NDC1: variants seen among roughly 807,000 people sequenced by gnomAD.
NDC1 encodes NDC1 transmembrane nucleoporin, also known as nucleoporin NDC1.
A neutral mutation model predicts 89.8 loss-of-function variants in NDC1; 24 were observed. The ratio of observed to expected loss-of-function variants is 0.27; its 90% CI spans 0.19 to 0.38. The LOEUF is 0.38. Among genes scored for constraint, NDC1 ranks in the 10% least tolerant of loss-of-function variants. The pLI, the probability that NDC1 is intolerant of heterozygous loss-of-function variation, is 1.00. For synonymous variants in NDC1, 296 were observed against 284.8 expected (o/e 1.04, Z -0.39); for missense variants, 728 against 797.6 (o/e 0.91, Z 1.05).
At chr1:53,775,182 CTT>C (rs1438376140) in intron 16 of NDC1, among the ~76,000 whole-genome samples, 1 of 152,210 alleles carries the variant, frequency 6.6e-6, no homozygotes, top group Non-Finnish European at 1.5e-5. Flanking sequence ...CCTTAAATAA[CTT>C]TTGACAACTC....
intron 17 of NDC1, among the ~76,000 whole-genome samples, chr1:53,768,336 T>G (rs950979893): frequency 6.6e-6 from 1 of 152,206 alleles, no homozygotes. Context: ...GGCCTTGGAG[T>G]AGATTTTCTG....
chr1:53,773,696 GGTCAGA>G (rs1243128853), intron 16 of NDC1, among the ~76,000 whole-genome samples: 2 of 152,096 alleles, frequency 1.3e-5, no homozygotes, highest in Non-Finnish European at 1.5e-5. Context: ...TTCTTGGACT[GGTCAGA>G]GTGCCCAAAG....
At chr1:53,822,436 T>C (rs1165739990) in intron 5 of NDC1, among the ~76,000 whole-genome samples, 1 of 152,064 alleles carries the variant, frequency 6.6e-6, no homozygotes, top group Non-Finnish European at 1.5e-5. Context: ...ACAAAATATA[T>C]AATGTTATAG....
At chr1:53,802,024 T>C (rs1001147677) in intron 10 of NDC1, among the ~76,000 whole-genome samples, 1 of 152,208 alleles carries the variant, frequency 6.6e-6, no homozygotes, top group African/African-American at 2.4e-5. Flanking sequence ...ATTACAGACG[T>C]GAGCTGCGTC....
chr1:53,838,119 T>G lies in NDC1; in HGVS notation c.57+86A>C, dbSNP rs557527807. On this transcript the variant is annotated intron_variant, in intron 1 of 17. Coordinates refer to ENST00000371429, the MANE Select transcript of NDC1 (RefSeq NM_018087.5). ...CTCCACGCTGCCCCGGGACCGGCCC[T>G]CCCCCGCCCAGCGCGCACGCGCGAT... 3.2e-4 allele frequency: 409 copies of G among 1,291,452 alleles called. 1 individual carries two copies. In the African/African-American group the frequency reaches 4.8e-3, roughly 15 times the overall value. 80.0% of individuals were successfully genotyped at this position (1,291,452 alleles called of 1,614,324 possible).
chr1:53,796,655 T>C (rs776227936), intron 13 of NDC1, 34 bp downstream of exon 13: 229 of 1,372,086 alleles, frequency 1.7e-4, no homozygotes, highest in Non-Finnish European at 2.2e-4. Context: ...CAATTTTACA[T>C]GCAAATATAA....
At chr1:53,777,990 C>T (rs571485251) in intron 16 of NDC1, among the ~76,000 whole-genome samples, 15 of 152,036 alleles carry the variant, frequency 9.9e-5, no homozygotes, top group African/African-American at 2.7e-4. Flanking sequence ...TGTGCCACCG[C>T]GCCCGGAGAA....
intron 2 of NDC1, among the ~76,000 whole-genome samples, chr1:53,834,509 T>G (rs765036720): frequency 6.6e-6 from 1 of 152,224 alleles, no homozygotes; most frequent in South Asian, 2.1e-4. Flanking sequence ...ACTGGCATTT[T>G]CTTGTGAAAA....
intron 17 of NDC1, among the ~76,000 whole-genome samples, chr1:53,769,213 A>T (rs1400837575): frequency 1.3e-5 from 2 of 152,214 alleles, no homozygotes; most frequent in Non-Finnish European, 2.9e-5. Flanking sequence ...TATAGGCTGG[A>T]AAACCAGAAT....
chr1:53,804,970 T>TG (rs1232584200), intron 9 of NDC1, among the ~76,000 whole-genome samples: 1 of 152,194 alleles, frequency 6.6e-6, no homozygotes, highest in Admixed American at 6.5e-5. Context: ...GGCTGTGCTA[T>TG]GTCTTATTCA....
At chr1:53,784,095 A>G (rs1396952932) in intron 16 of NDC1, among the ~76,000 whole-genome samples, 1 of 152,200 alleles carries the variant, frequency 6.6e-6, no homozygotes, top group Non-Finnish European at 1.5e-5. Context: ...AGGCAGTGTG[A>G]TCTTTATGAA....
In NDC1 at chr1:53,772,452, C is replaced by A. The variant is rs1436908688; in HGVS notation, c.1838G>T (p.Ser613Ile). 6.2e-7 allele frequency: 1 copy of A among 1,613,210 alleles called. No individual in the cohort carries two copies. The highest frequency in any genetic ancestry group is 2.2e-5 in the East Asian group (1 of 44,890). ...GCTTCCTGAAATCCGGGGTGGTTTA[C>A]TGGAAGCATGAGGAAGCTTAAAGTA... The part of the protein sequence containing the change: ...DKYFKLPHAS[S>I]KPPRISGSLV... Residue 613 changes from serine (S) to isoleucine (I), a missense_variant, in exon 17 of 18, where the codon AGT (serine) becomes ATT (isoleucine). Ser to Ile is a moderately radical substitution (Grantham distance 142, BLOSUM62 -2). Transcript: ENST00000371429.
intron 15 of NDC1, among the ~76,000 whole-genome samples, chr1:53,788,522 G>C (rs1647383411): frequency 6.6e-6 from 1 of 152,014 alleles, no homozygotes; most frequent in Non-Finnish European, 1.5e-5. Flanking sequence ...CTGCCTCCTG[G>C]GTTCAAACGA....
chr1:53,792,035 C>T (rs200725376), intron 14 of NDC1, among the ~76,000 whole-genome samples: 3 of 152,010 alleles, frequency 2.0e-5, no homozygotes, highest in Admixed American at 6.6e-5. Flanking sequence ...CTCCGCCTCC[C>T]GGGTTCATGC....
intron 16 of NDC1, among the ~76,000 whole-genome samples, chr1:53,785,043 G>T (rs1647271582): frequency 6.6e-6 from 1 of 152,088 alleles, no homozygotes; most frequent in South Asian, 2.1e-4. Context: ...AATCAGACTG[G>T]GTTCTAGTTC....
intron 6 of NDC1, among the ~76,000 whole-genome samples, chr1:53,813,000 C>A (rs980085855): frequency 6.6e-6 from 1 of 152,126 alleles, no homozygotes; most frequent in African/African-American, 2.4e-5. Context: ...TTGTATCCAG[C>A]GAAACTAAGC....
chr1:53,789,102 A>C, intron 15 of NDC1, 31 bp downstream of exon 15: 1 of 1,409,840 alleles, frequency 7.1e-7, no homozygotes, highest in Non-Finnish European at 1.0e-6. Flanking sequence ...GACAATTAAA[A>C]TCATAGTTAC....
chr1:53,838,070 A>C, intron 1 of NDC1, 135 bp downstream of exon 1: 3 of 770,972 alleles, frequency 3.9e-6, no homozygotes, highest in Non-Finnish European at 6.2e-6. Flanking sequence ...CAGTCCCCCA[A>C]GTGGTGCCTT....
chr1:53,817,120 C>A (rs1349885443), intron 6 of NDC1, among the ~76,000 whole-genome samples: 1 of 152,150 alleles, frequency 6.6e-6, no homozygotes, highest in Non-Finnish European at 1.5e-5. Context: ...ACCATTTGAT[C>A]CCGCAATCCC....
Sources: allele counts gnomAD v4.1 joint callset (sites outside exome capture counted in the v4.1 genomes callset), GRCh38; gene constraint gnomAD v4.1.1; transcripts MANE v1.5; gene names NCBI Gene and HGNC (gene_info 2026-07-23, HGNC 2026-07-21).